NRXN3: variants seen among roughly 807,000 people sequenced by gnomAD.
NRXN3 encodes neurexin III.
Under a neutral mutation model 137.6 loss-of-function variants are expected in NRXN3, and 32 were observed. The observed-to-expected ratio is 0.23, with a 90% CI of 0.18 to 0.31. The LOEUF (loss-of-function observed/expected upper bound fraction) is 0.31, where lower values mean the gene tolerates loss of function less well. NRXN3 is among the 10% of genes least tolerant of loss of function. The pLI is 1.00. For synonymous variants in NRXN3, 798 were observed against 784.5 expected, an observed-to-expected ratio of 1.02 and a Z score of -0.29; for missense variants, 1,574 against 2,062.5, an observed-to-expected ratio of 0.76 and a Z score of 4.59.
At chr14:78,583,967 T>C (rs1159527682) in intron 4 of NRXN3, among the ~76,000 whole-genome samples, 1 of 152,218 alleles carries the variant, frequency 6.6e-6, no homozygotes, top group Non-Finnish European at 1.5e-5. Flanking sequence ...CTAAGAACTT[T>C]CATGCATTTA....
At chr14:79,339,298 G>A (rs1022877382) in intron 15 of NRXN3, among the ~76,000 whole-genome samples, 1 of 152,204 alleles carries the variant, frequency 6.6e-6, no homozygotes, top group Non-Finnish European at 1.5e-5. Flanking sequence ...TGGATTGTTT[G>A]TAGAAATGCT....
chr14:79,722,891 G>C (rs570680495), intron 19 of NRXN3, among the ~76,000 whole-genome samples: 47 of 152,210 alleles, frequency 3.1e-4, no homozygotes, highest in Non-Finnish European at 5.7e-4. Context: ...GTGTAACAAA[G>C]TACCTACAAC....
chr14:78,759,223 A>G (rs1464303799), intron 8 of NRXN3, among the ~76,000 whole-genome samples: 1 of 151,914 alleles, frequency 6.6e-6, no homozygotes, highest in Non-Finnish European at 1.5e-5. Context: ...CATGTAATCA[A>G]TGCCATCTGG....
intron 4 of NRXN3, among the ~76,000 whole-genome samples, chr14:78,573,551 C>T (rs1477702916): frequency 6.6e-6 from 1 of 152,190 alleles, no homozygotes; most frequent in African/African-American, 2.4e-5. Context: ...CATTTCACCC[C>T]TGCCCTAGAC....
intron 15 of NRXN3, among the ~76,000 whole-genome samples, chr14:79,430,713 C>T (rs1267890828): frequency 6.6e-6 from 1 of 152,188 alleles, no homozygotes; most frequent in Non-Finnish European, 1.5e-5. Context: ...TACCACATAA[C>T]TGTCTCCATG....
intron 4 of NRXN3, among the ~76,000 whole-genome samples, chr14:78,455,129 C>T (rs1233760152): frequency 3.9e-5 from 6 of 152,192 alleles, no homozygotes; most frequent in African/African-American, 9.6e-5. Context: ...GGAGCATTGC[C>T]GTCTTTCTGG....
At chr14:78,188,899 C>G (rs2060472932) in intron 1 of NRXN3, among the ~76,000 whole-genome samples, 1 of 152,156 alleles carries the variant, frequency 6.6e-6, no homozygotes, top group Admixed American at 6.5e-5. Context: ...GACCTCTCGC[C>G]AGACTCACTT....
intron 1 of NRXN3, among the ~76,000 whole-genome samples, chr14:78,224,226 A>G (rs573225270): frequency 6.7e-6 from 1 of 150,090 alleles, no homozygotes; most frequent in East Asian, 2.0e-4. Context: ...CCTTATTAAT[A>G]TTCTCTATTT....
intron 4 of NRXN3, among the ~76,000 whole-genome samples, chr14:78,570,835 C>T (rs566033426): frequency 1.1e-4 from 16 of 152,316 alleles, no homozygotes; most frequent in Admixed American, 2.6e-4. Context: ...GAAGTTTACC[C>T]GTATGAGTCT....
At chr14:78,272,599 C>G (rs962069109) in intron 2 of NRXN3, among the ~76,000 whole-genome samples, 1 of 152,234 alleles carries the variant, frequency 6.6e-6, no homozygotes, top group African/African-American at 2.4e-5. Flanking sequence ...CATTTTACCC[C>G]TTTCCTCTGT....
chr14:79,686,230 T>G (rs752157183), intron 17 of NRXN3, among the ~76,000 whole-genome samples: 2 of 151,882 alleles, frequency 1.3e-5, no homozygotes, highest in Non-Finnish European at 2.9e-5. Context: ...CCAGCCTGCC[T>G]GTCTCAGAGA....
rs968586193 is a variant in NRXN3 at position 79,863,857 on chromosome 14, G to A, written c.*1893G>A. On this transcript the variant is annotated 3_prime_UTR_variant, in exon 21 of 21. Transcript: ENST00000335750. ...TAGATTTAGAAATCTACTCTTGCTG[G>A]TCTTTGTAAGTTGCATGAATATTTG... 6 of 152,570 alleles carry A rather than the reference G, an allele frequency of 3.9e-5. No individual in the cohort carries two copies. The highest frequency in any genetic ancestry group is 1.4e-4 in the African/African-American group (6 of 41,442). 9.5% of individuals were successfully genotyped at this position (152,570 alleles called of 1,614,324 possible).
Position 79,861,566 on chromosome 14 carries a change from A to C in NRXN3, c.4318A>C (p.Ile1440Leu). 1 of 1,593,004 alleles carries C rather than the reference A, an allele frequency of 6.3e-7. No individual in the cohort carries two copies. Among genetic ancestry groups the C allele is most frequent in the Non-Finnish European group, 8.5e-7 (1 of 1,170,440 alleles). ...NNRDLKPQPDIVLLPLPTAYE... is the reference protein window; with the variant it reads ...NNRDLKPQPDLVLLPLPTAYE... ...CCGTGATCTCAAACCCCAGCCTGAT[A>C]TAGTCTTGCTTCCGTTGCCCACTGC... The change falls in exon 21 of 21, where the codon ATA (isoleucine) becomes CTA (leucine). Residue 1440 changes from isoleucine (I) to leucine (L), a missense_variant. This residue lies in a region of NRXN3 where 320 missense variants were observed against 387.1 expected (regional missense o/e 0.83). Transcript: ENST00000335750. This position sits in a 1 kb window ranked among gnomAD's most constrained non-coding sequence, Gnocchi z 5.4.
intron 4 of NRXN3, among the ~76,000 whole-genome samples, chr14:78,574,181 A>T (rs1362352873): frequency 6.6e-6 from 1 of 152,210 alleles, no homozygotes; most frequent in Admixed American, 6.5e-5. Context: ...GAATGCCTGG[A>T]TATCCAGGCA....
chr14:78,902,401 G>A (rs1034762569), intron 10 of NRXN3, among the ~76,000 whole-genome samples: 2 of 152,014 alleles, frequency 1.3e-5, no homozygotes, highest in Non-Finnish European at 2.9e-5. Flanking sequence ...TGTGATAACA[G>A]TATTAGATTA....
intron 10 of NRXN3, among the ~76,000 whole-genome samples, chr14:78,926,650 T>TATATATA (rs1214319382): frequency 9.1e-5 from 9 of 98,588 alleles, no homozygotes; most frequent in Non-Finnish European, 1.8e-4. Context: ...TTATATATAA[T>TATATATA]ATATATATTT....
chr14:78,806,912 C>G (rs1171551892), intron 9 of NRXN3, among the ~76,000 whole-genome samples: 2 of 152,124 alleles, frequency 1.3e-5, no homozygotes, highest in African/African-American at 2.4e-5. Context: ...ATAAATCAAG[C>G]AAGTGTTTTT....
At chr14:78,186,820 GA>G (rs2060270959) in intron 1 of NRXN3, among the ~76,000 whole-genome samples, 1 of 152,208 alleles carries the variant, frequency 6.6e-6, no homozygotes, top group African/African-American at 2.4e-5. Context: ...CCTGATTTCA[GA>G]TGGTCACACT....
chr14:78,908,574 G>T (rs2099226326), intron 10 of NRXN3, among the ~76,000 whole-genome samples: 1 of 151,906 alleles, frequency 6.6e-6, no homozygotes, highest in Non-Finnish European at 1.5e-5. Flanking sequence ...TCTTCAAAAA[G>T]TTCCTGGAAA....
Sources: allele counts gnomAD v4.1 joint callset (sites outside exome capture counted in the v4.1 genomes callset), GRCh38; gene constraint gnomAD v4.1.1; regional missense constraint gnomAD v4.1.1; non-coding constraint Gnocchi (gnomAD v3.1); transcripts MANE v1.5; gene names NCBI Gene and HGNC (gene_info 2026-07-23, HGNC 2026-07-21).